Variants in STRBP observed in about 807,000 individuals in gnomAD.
The protein encoded by STRBP is spermatid perinuclear RNA binding protein.
Under a neutral mutation model 80.1 loss-of-function variants are expected in STRBP, and 13 were observed. That is an observed-to-expected ratio of 0.16 (90% CI 0.11 to 0.26). The LOEUF is 0.26. Ranked by LOEUF, STRBP falls within the 10% of genes least tolerant of loss-of-function variation. STRBP has a pLI of 1.00. For missense variants in STRBP, 485 were observed against 815.2 expected, an observed-to-expected ratio of 0.59 and a Z score of 4.93; for synonymous variants, 284 against 291.2, an observed-to-expected ratio of 0.98 and a Z score of 0.25.
chr9:123,188,041 A>G (rs1218911524), intron 2 of STRBP, among the ~76,000 whole-genome samples: 1 of 151,802 alleles, frequency 6.6e-6, no homozygotes, highest in African/African-American at 2.4e-5. Flanking sequence ...CCCCACCCCC[A>G]AGCCCTTAGT....
intron 18 of STRBP, among the ~76,000 whole-genome samples, chr9:123,125,950 A>G (rs2132294431): frequency 6.6e-6 from 1 of 152,348 alleles, no homozygotes; most frequent in East Asian, 1.9e-4. Flanking sequence ...CTGAAAATCA[A>G]AAGCAATGCT....
chr9:123,183,663 T>C (rs999064546), intron 3 of STRBP, among the ~76,000 whole-genome samples: 1 of 152,200 alleles, frequency 6.6e-6, no homozygotes, highest in East Asian at 1.9e-4. Flanking sequence ...GCCCCTACTA[T>C]ACTCAGCACT....
chr9:123,219,329 C>T (rs918927999), intron 2 of STRBP, among the ~76,000 whole-genome samples: 1 of 152,180 alleles, frequency 6.6e-6, no homozygotes, highest in African/African-American at 2.4e-5. Context: ...GATTTCAACC[C>T]CCCACAAACT....
At position 123,115,035 on chromosome 9, in the gene STRBP, C is replaced by T. The variant is rs577478006; in HGVS notation, c.*84+894G>A. 1.0e-4 allele frequency: 39 copies of T among 371,476 alleles called. No individual in the cohort carries two copies. The highest frequency in any genetic ancestry group is 7.3e-4 in the South Asian group (35 of 47,626). The allele number at this position is 371,476 out of a possible 1,614,324, so 23.0% of individuals were successfully genotyped here. On this transcript the variant is annotated intron_variant and NMD_transcript_variant, in intron 3 of 3. Transcript: ENST00000471564. The surrounding 1 kb of genome is among the most constrained non-coding windows in gnomAD (Gnocchi z 5.0). Reference sequence around the variant, plus strand: ...TCCTTGGCTATCCAACTGTCCCAATCGACCCTCTGGAACTCACTATTGTGG... The same window carrying T: ...TCCTTGGCTATCCAACTGTCCCAATTGACCCTCTGGAACTCACTATTGTGG...
chr9:123,234,609 GTT>G (rs1018524708), intron 2 of STRBP, among the ~76,000 whole-genome samples: 2 of 152,134 alleles, frequency 1.3e-5, no homozygotes, highest in Non-Finnish European at 2.9e-5. Flanking sequence ...ATCCTGTTTT[GTT>G]TTGTTTTTTC....
At chr9:123,249,931 T>G (rs1355215311) in intron 1 of STRBP, among the ~76,000 whole-genome samples, 6 of 152,294 alleles carry the variant, frequency 3.9e-5, no homozygotes, top group African/African-American at 1.4e-4. Flanking sequence ...TAGGTCACAT[T>G]TGGAAGATCA....
intron 6 of STRBP, among the ~76,000 whole-genome samples, chr9:123,165,498 C>A (rs764046966): frequency 9.2e-5 from 14 of 152,092 alleles, no homozygotes; most frequent in Non-Finnish European, 2.1e-4. Context: ...CTCTGACAGT[C>A]CCTGAAAATC....
At chr9:123,178,890 T>C (rs992358445) in intron 4 of STRBP, 117 bp downstream of exon 4, 3 of 809,896 alleles carry the variant, frequency 3.7e-6, no homozygotes, top group Admixed American at 4.6e-5. Context: ...TTGGTTATAG[T>C]CTCACATATG....
At chr9:123,248,261 G>GTTTTTTTT (rs1223848724) in intron 1 of STRBP, among the ~76,000 whole-genome samples, 11 of 75,422 alleles carry the variant, frequency 1.5e-4, no homozygotes, top group African/African-American at 2.2e-4. Context: ...CCCCTATCGT[G>GTTTTTTTT]TTTTTTTTTT....
chr9:123,135,394 C>A (rs2036308730), intron 16 of STRBP, among the ~76,000 whole-genome samples: 2 of 152,188 alleles, frequency 1.3e-5, no homozygotes, highest in African/African-American at 4.8e-5. Context: ...CTCTTTCCCT[C>A]ACTATCAGGC....
intron 11 of STRBP, among the ~76,000 whole-genome samples, chr9:123,155,349 G>A (rs1219993775): frequency 6.6e-6 from 1 of 152,186 alleles, no homozygotes; most frequent in Non-Finnish European, 1.5e-5. Flanking sequence ...TATTAAATTA[G>A]TGTCACCGAC....
downstream of STRBP, among the ~76,000 whole-genome samples, chr9:123,116,712 G>A (rs1376136250): frequency 3.9e-5 from 6 of 152,164 alleles, no homozygotes; most frequent in East Asian, 1.2e-3. Context: ...AAGTGGGCTT[G>A]GAAGACAGAA....
rs2035880510 is a variant in STRBP, at chr9:123,126,013, C to T, written c.1943-340G>A. Reference sequence around the variant, plus strand: ...AAATCCATATTGGTTCTCAATGTGGCATATCACATATTCCAGGAGAAACGG... The same window carrying T: ...AAATCCATATTGGTTCTCAATGTGGTATATCACATATTCCAGGAGAAACGG... On this transcript the variant is annotated intron_variant, in intron 18 of 18. Coordinates refer to ENST00000348403, the MANE Select transcript of STRBP (RefSeq NM_018387.5). This position sits in a 1 kb window ranked among gnomAD's most constrained non-coding sequence, Gnocchi z 4.4. Among the ~76,000 whole-genome samples, 1 of 152,210 alleles carries T rather than the reference C, an allele frequency of 6.6e-6. No homozygotes were observed. Among genetic ancestry groups the T allele is most frequent in the South Asian group, 2.1e-4 (1 of 4,830 alleles).
Position 123,123,028 on chromosome 9 carries a change from G to A in STRBP, c.*2569C>T, listed in dbSNP as rs2035780543. 1.0e-6 allele frequency: 1 copy of A among 985,440 alleles called. No homozygotes were observed. The highest frequency in any genetic ancestry group is 4.7e-5 in the South Asian group (1 of 21,288). The allele number at this position is 985,440 out of a possible 1,614,324, so 61.0% of individuals were successfully genotyped here. ...TTCAAAAAGAGGGTGTCAGAGTGGA[G>A]TGTCTGAAAGCTGGATAGCCTCAGG... On this transcript the variant is annotated 3_prime_UTR_variant, in exon 19 of 19. Coordinates refer to ENST00000348403, the MANE Select transcript of STRBP (RefSeq NM_018387.5).
chr9:123,168,254 T>A, intron 6 of STRBP: 1 of 982,356 alleles, frequency 1.0e-6, no homozygotes, highest in Non-Finnish European at 1.2e-6. Context: ...TGGTGAACTG[T>A]AAAGCTGTTA....
chr9:123,182,505 T>C (rs914673192), intron 3 of STRBP, among the ~76,000 whole-genome samples: 5 of 152,172 alleles, frequency 3.3e-5, no homozygotes, highest in Admixed American at 2.0e-4. Flanking sequence ...ATGAGCGGAA[T>C]GAGAGGTAAA....
intron 2 of STRBP, among the ~76,000 whole-genome samples, chr9:123,218,389 G>A (rs1385628363): frequency 2.4e-5 from 3 of 126,928 alleles, no homozygotes; most frequent in African/African-American, 3.2e-5. Context: ...TTGAGACGGA[G>A]TCTCGCTCTG....
chr9:123,134,685 C>T (rs1013069117), intron 16 of STRBP, among the ~76,000 whole-genome samples: 43 of 152,166 alleles, frequency 2.8e-4, no homozygotes, highest in African/African-American at 1.0e-3. Context: ...AATGATTCCA[C>T]ACAAATCTAG....
At chr9:123,239,629 T>G (rs2040650508) in intron 1 of STRBP, among the ~76,000 whole-genome samples, 1 of 152,222 alleles carries the variant, frequency 6.6e-6, no homozygotes, top group South Asian at 2.1e-4. Flanking sequence ...AGGACTGTCA[T>G]CTCTTTTTCC....
Sources: gnomAD v4.1 joint callset for allele counts (sites outside exome capture counted in the v4.1 genomes callset) on GRCh38, gnomAD v4.1.1 for gene constraint, Gnocchi (gnomAD v3.1) non-coding constraint, MANE v1.5 for transcripts, NCBI Gene and HGNC (gene_info 2026-07-23, HGNC 2026-07-21) for gene names.